The following EXOC5 variants were observed in gnomAD, a reference collection of about 807,000 sequenced individuals.
EXOC5 encodes the protein SEC10-like 1.
EXOC5 carries 17 observed loss-of-function variants against 90.8 expected under a neutral mutation model. The ratio of observed to expected loss-of-function variants is 0.19; its 90% CI spans 0.13 to 0.28. The LOEUF (loss-of-function observed/expected upper bound fraction) is 0.28. Among genes scored for constraint, EXOC5 ranks in the 10% least tolerant of loss-of-function variants. The pLI, the probability that EXOC5 is intolerant of heterozygous loss-of-function variation, is 1.00. For missense variants in EXOC5, 569 were observed against 830.6 expected (o/e 0.69, Z 3.87); for synonymous variants, 260 against 270.0 (o/e 0.96, Z 0.36).
At chr14:57,218,341 T>C (rs1458238994) in intron 14 of EXOC5, among the ~76,000 whole-genome samples, 2 of 152,062 alleles carry the variant, frequency 1.3e-5, no homozygotes, top group African/African-American at 2.4e-5. Flanking sequence ...TGAGGAGACA[T>C]CTCTCAAGAA....
At chr14:57,253,235 C>A (rs578077969) in intron 1 of EXOC5, among the ~76,000 whole-genome samples, 3 of 152,148 alleles carry the variant, frequency 2.0e-5, no homozygotes, top group Admixed American at 6.5e-5. Context: ...TTTCTATATA[C>A]TAACAATGAA....
intron 1 of EXOC5, among the ~76,000 whole-genome samples, chr14:57,250,572 G>A (rs4608256): frequency 0.013 from 1,920 of 152,244 alleles, 43 homozygotes; most frequent in African/African-American, 0.043. Flanking sequence ...ATCATGGACC[G>A]TGTCAGAGTG....
chr14:57,210,513 C>T (rs904649603), intron 15 of EXOC5, among the ~76,000 whole-genome samples: 8 of 152,194 alleles, frequency 5.3e-5, no homozygotes, highest in South Asian at 2.1e-4. Flanking sequence ...ACACAAAATT[C>T]ATCTATGTTT....
intron 1 of EXOC5, among the ~76,000 whole-genome samples, chr14:57,255,317 G>T (rs1444938832): frequency 2.0e-5 from 3 of 152,084 alleles, no homozygotes; most frequent in Non-Finnish European, 4.4e-5. Context: ...CTAGAAAAAA[G>T]AATATTTTAC....
Position 57,209,592 on chromosome 14 carries a change from T to C in EXOC5, c.1913A>G (p.Tyr638Cys). 2 of 1,612,700 alleles carry C rather than the reference T, an allele frequency of 1.2e-6. No individual in the cohort carries two copies. Among genetic ancestry groups the C allele is most frequent in the Non-Finnish European group, 1.7e-6 (2 of 1,179,026 alleles). The change falls in exon 17 of 18, where the codon TAT becomes TGT. Residue 638 changes from tyrosine to cysteine, a missense_variant. Coordinates refer to ENST00000621441, the MANE Select transcript of EXOC5 (RefSeq NM_006544.4). ...GMLAICDVAE[Y>C]RKCAKDFKIP... ...CTTGAAGTCTTTGGCACACTTCCTA[T>C]ATTCGGCTACATCACAAATGGCCAA...
chr14:57,230,825 A>G (rs1883460274), intron 11 of EXOC5, among the ~76,000 whole-genome samples: 1 of 152,074 alleles, frequency 6.6e-6, no homozygotes, highest in Non-Finnish European at 1.5e-5. Flanking sequence ...TAAACTACAA[A>G]CTATTTTCTA....
intron 13 of EXOC5, among the ~76,000 whole-genome samples, chr14:57,220,903 C>G (rs1409780068): frequency 6.6e-6 from 1 of 152,074 alleles, no homozygotes; most frequent in African/African-American, 2.4e-5. Context: ...ATTGCACTTT[C>G]TAATCATTTG....
At chr14:57,257,703 T>A (rs1269828251) in intron 1 of EXOC5, among the ~76,000 whole-genome samples, 1 of 151,988 alleles carries the variant, frequency 6.6e-6, no homozygotes, top group Non-Finnish European at 1.5e-5. Context: ...TAAATAAAAA[T>A]TTAAAAATTC....
At chr14:57,217,937 T>C in intron 15 of EXOC5, 45 bp downstream of exon 15, 1 of 958,160 alleles carries the variant, frequency 1.0e-6, no homozygotes, top group Non-Finnish European at 1.7e-6. Flanking sequence ...TAATATGGTG[T>C]TTTTATAATT....
chr14:57,261,340 AGATT>A (rs1884498765), intron 1 of EXOC5, among the ~76,000 whole-genome samples: 2 of 152,238 alleles, frequency 1.3e-5, no homozygotes, highest in Admixed American at 6.5e-5. Flanking sequence ...TCAGTATTTT[AGATT>A]AATTACACAC....
chr14:57,204,804 T>C lies in EXOC5; in HGVS notation c.*3805A>G, dbSNP rs1033725099. 2.6e-5 allele frequency: 4 copies of C among 152,384 alleles called. No homozygotes were observed. The highest frequency in any genetic ancestry group is 9.7e-5 in the African/African-American group (4 of 41,416). The allele number at this position is 152,384 out of a possible 1,614,324, so 9.4% of individuals were successfully genotyped here. On this transcript the variant is annotated 3_prime_UTR_variant, in exon 18 of 18. Transcript: ENST00000621441. The stretch of plus-strand genomic sequence containing the variant: ...AAAGTATGACCATACATTGAACATA[T>C]TAAGAAAAACACAACAGTAAATTAG...
chr14:57,260,980 G>GA (rs1275978229), intron 1 of EXOC5, among the ~76,000 whole-genome samples: 4 of 152,134 alleles, frequency 2.6e-5, no homozygotes, highest in African/African-American at 7.2e-5. Context: ...TTAAACAAGT[G>GA]AAAGAATCAT....
intron 1 of EXOC5, among the ~76,000 whole-genome samples, chr14:57,251,426 A>C (rs1884189286): frequency 6.6e-6 from 1 of 152,234 alleles, no homozygotes; most frequent in South Asian, 2.1e-4. Flanking sequence ...AGTGACTGTC[A>C]GAGGATTTAA....
At chr14:57,246,630 CT>C in intron 3 of EXOC5, 80 bp downstream of exon 3, 2 of 1,267,220 alleles carry the variant, frequency 1.6e-6, no homozygotes, top group Non-Finnish European at 1.1e-6. Flanking sequence ...TCTGACTAGA[CT>C]TTTTTAAGAG....
rs1252124679 is a variant in EXOC5 at position 57,219,437 on chromosome 14, G to C, written c.1411C>G (p.Pro471Ala). The C allele has an allele frequency of 6.4e-7, 1 of 1,572,316 alleles. No individual in the cohort carries two copies. Among genetic ancestry groups the C allele is most frequent in the East Asian group, 2.3e-5 (1 of 43,638 alleles). ...YALETGLAGIPSSDSRNANLY... is the reference protein window; with the variant it reads ...YALETGLAGIASSDSRNANLY... ...TTTGCATTCCTAGAATCTGAAGAGG[G>C]AATTCCTAAAACCAGAAAGCATACA... Residue 471 changes from proline (P) to alanine (A), a missense_variant, in exon 14 of 18, where the codon CCC (proline) becomes GCC (alanine). By Grantham distance (27) the Pro-to-Ala change is conservative. Around this residue, in one of 9 missense-constraint regions of EXOC5, gnomAD observed 56 missense variants for 51.1 expected, o/e 1.10. Transcript: ENST00000621441.
At chr14:57,268,571 C>G in intron 1 of EXOC5, 51 bp downstream of exon 1, 1 of 1,562,712 alleles carries the variant, frequency 6.4e-7, no homozygotes. Context: ...GCCCACCCAG[C>G]TGCCTGCAAA....
intron 1 of EXOC5, among the ~76,000 whole-genome samples, chr14:57,265,133 C>CA (rs1054462627): frequency 3.0e-5 from 4 of 134,970 alleles, no homozygotes; most frequent in African/African-American, 1.1e-4. Context: ...TCACTGAACC[C>CA]TTTTTTTTTT....
At chr14:57,255,658 C>T (rs553005803) in intron 1 of EXOC5, among the ~76,000 whole-genome samples, 1 of 152,030 alleles carries the variant, frequency 6.6e-6, no homozygotes, top group Non-Finnish European at 1.5e-5. Context: ...TACAGTGAAA[C>T]CCTGTCTCTA....
At chr14:57,262,705 A>G (rs572785296) in intron 1 of EXOC5, among the ~76,000 whole-genome samples, 235 of 147,218 alleles carry the variant, frequency 1.6e-3, no homozygotes, top group African/African-American at 5.6e-3. Flanking sequence ...GTATATATAT[A>G]TGTATATATA....
Sources: gnomAD v4.1 joint callset for allele counts (sites outside exome capture counted in the v4.1 genomes callset) on GRCh38, gnomAD v4.1.1 for gene constraint, gnomAD v4.1.1 regional missense constraint, MANE v1.5 for transcripts, NCBI Gene and HGNC (gene_info 2026-07-23, HGNC 2026-07-21) for gene names.